MED12L: variants seen among roughly 807,000 people sequenced by gnomAD.
MED12L encodes the protein mediator of RNA polymerase II transcription subunit 12-like protein.
MED12L carries 60 observed loss-of-function variants against 281.3 expected under a neutral mutation model. The ratio of observed to expected loss-of-function variants is 0.21; its 90% CI spans 0.17 to 0.26. The LOEUF is 0.26. MED12L is among the 10% of genes least tolerant of loss of function. The pLI is 1.00. For synonymous variants in MED12L, 974 were observed against 987.2 expected, an observed-to-expected ratio of 0.99 and a Z score of 0.25; for missense variants, 2,146 against 2,680.9, an observed-to-expected ratio of 0.80 and a Z score of 4.41.
At chr3:151,115,954 C>T (rs1477434900) in intron 2 of MED12L, among the ~76,000 whole-genome samples, 4 of 149,052 alleles carry the variant, frequency 2.7e-5, no homozygotes, top group East Asian at 2.0e-4. Context: ...CCCAGCTACT[C>T]GGGAGGCTGA....
chr3:151,313,580 T>C (rs1323942099), intron 16 of MED12L, among the ~76,000 whole-genome samples: 1 of 151,730 alleles, frequency 6.6e-6, no homozygotes, highest in Non-Finnish European at 1.5e-5. Context: ...GTGCGGTGGC[T>C]CACACCTGTA....
intron 16 of MED12L, among the ~76,000 whole-genome samples, chr3:151,282,222 T>C (rs1742909774): frequency 1.3e-5 from 2 of 152,362 alleles, no homozygotes; most frequent in East Asian, 3.9e-4. Flanking sequence ...CTTATTCTTT[T>C]TCGTAGCTTT....
chr3:151,381,322 A>C (rs994439004), intron 32 of MED12L, among the ~76,000 whole-genome samples: 1 of 152,192 alleles, frequency 6.6e-6, no homozygotes, highest in Non-Finnish European at 1.5e-5. Flanking sequence ...TAGATATAGC[A>C]ATCATAGTGA....
intron 16 of MED12L, among the ~76,000 whole-genome samples, chr3:151,283,872 G>C (rs1169699946): frequency 1.3e-5 from 2 of 152,146 alleles, no homozygotes; most frequent in Non-Finnish European, 2.9e-5. Context: ...GTACACTTTT[G>C]AATCCCTTTT....
In MED12L at chr3:151,190,878, G is replaced by C. The variant is rs1467275454; in HGVS notation, c.1915G>C (p.Val639Leu). 6.2e-7 allele frequency: 1 copy of C among 1,614,184 alleles called. No homozygotes were observed. The highest frequency in any genetic ancestry group is 8.5e-7 in the Non-Finnish European group (1 of 1,180,032). ...VTASTRPRSP[V>L]GENADEHYSK... ...TGCCTCAACTCGGCCGCGGTCACCA[G>C]TAGGGGAAAATGCAGATGAACACTA... Residue 639 changes from valine to leucine, a missense_variant, in exon 14 of 45, where the codon GTA (valine) becomes CTA (leucine). Transcript: ENST00000687756.
chr3:151,189,476 G>A (rs1392612221), intron 13 of MED12L, among the ~76,000 whole-genome samples: 1 of 152,174 alleles, frequency 6.6e-6, no homozygotes, highest in African/African-American at 2.4e-5. Context: ...GTACCCTGGG[G>A]GAGACAGACA....
chr3:151,262,261 G>A (rs951489387), intron 16 of MED12L, among the ~76,000 whole-genome samples: 1 of 152,218 alleles, frequency 6.6e-6, no homozygotes, highest in Non-Finnish European at 1.5e-5. Context: ...AGAAGTATTA[G>A]ATTTTAAGTC....
intron 2 of MED12L, among the ~76,000 whole-genome samples, chr3:151,099,694 T>C (rs1248684227): frequency 6.6e-6 from 1 of 152,174 alleles, no homozygotes; most frequent in Non-Finnish European, 1.5e-5. Context: ...GTTTAGACTG[T>C]TGGGTAGGTA....
intron 16 of MED12L, among the ~76,000 whole-genome samples, chr3:151,274,028 A>G (rs767181532): frequency 1.3e-4 from 20 of 152,152 alleles, no homozygotes; most frequent in Non-Finnish European, 2.5e-4. Flanking sequence ...TTCTCACACT[A>G]CTTGAACTAA....
Position 151,418,943 on chromosome 3 carries a change from A to G in MED12L, c.6408+2521A>G, listed in dbSNP as rs142435792. 9.6e-4 allele frequency among the ~76,000 whole-genome samples: 146 copies of G among 152,278 alleles called. 1 individual carries two copies. The highest frequency in any genetic ancestry group is 3.1e-3 in the African/African-American group (130 of 41,564). ...TTTCGATACAAGCTTTCAATGTGTA[A>G]TGATCAAATAAGGGTAATTGGGGTA... On this transcript the variant is annotated intron_variant, in intron 43 of 44. Transcript: ENST00000687756.
At chr3:151,321,532 A>G (rs1197593179) in intron 16 of MED12L, among the ~76,000 whole-genome samples, 2 of 152,248 alleles carry the variant, frequency 1.3e-5, no homozygotes, top group Non-Finnish European at 1.5e-5. Flanking sequence ...ACCCAAAGCT[A>G]TGAAAGCCTT....
At chr3:151,170,568 C>T (rs891421667) in intron 11 of MED12L, among the ~76,000 whole-genome samples, 3 of 152,194 alleles carry the variant, frequency 2.0e-5, no homozygotes, top group African/African-American at 7.2e-5. Context: ...GCCACTGCAC[C>T]TGGCCTGGAA....
rs758119179 is a variant in MED12L at position 151,165,970 on chromosome 3, A to G, written c.1482A>G (p.Lys494=). Reference sequence around the variant, plus strand: ...AGATTTTCTGGGCAAACCAAAACAAAGATAACCAAGAGGTAGTTAATTTTT... The same window carrying G: ...AGATTTTCTGGGCAAACCAAAACAAGGATAACCAAGAGGTAGTTAATTTTT... ...YHKIFWANQN[K]DNQEVAPNDE... Residue 494 remains lysine, a synonymous_variant, in exon 11 of 45, where the codon AAA becomes AAG. Coordinates refer to ENST00000687756, the MANE Select transcript of MED12L (RefSeq NM_001393769.1). The G allele has an allele frequency of 1.4e-5, 22 of 1,609,874 alleles. No individual in the cohort carries two copies. The highest frequency in any genetic ancestry group is 1.7e-4 in the Middle Eastern group (1 of 6,044).
In MED12L at chr3:151,436,469, A is replaced by AAAG. The variant is rs1720232058; in HGVS notation, c.*3666_*3668dup. The AAAG allele has an allele frequency of 2.4e-6, 1 of 416,296 alleles. No individual in the cohort carries two copies. Among genetic ancestry groups the AAAG allele is most frequent in the African/African-American group, 2.0e-5 (1 of 49,044 alleles). The allele number at this position is 416,296 out of a possible 1,614,324, so 25.8% of individuals were successfully genotyped here. ...TTTATTGTTATTTGTTGGCAAAATA[A>AAAG]AAGTGCCTTAAGTTAAAAGTTTGTT... On this transcript the variant is annotated 3_prime_UTR_variant, in exon 45 of 45. Coordinates refer to ENST00000687756, the MANE Select transcript of MED12L (RefSeq NM_001393769.1).
chr3:151,341,228 A>G (rs775194673), intron 16 of MED12L, among the ~76,000 whole-genome samples: 1 of 152,112 alleles, frequency 6.6e-6, no homozygotes, highest in Non-Finnish European at 1.5e-5. Flanking sequence ...CTTGGTTAAT[A>G]ATGTCATTAT....
At chr3:151,147,014 T>C (rs374263779) in intron 5 of MED12L, among the ~76,000 whole-genome samples, 2 of 152,256 alleles carry the variant, frequency 1.3e-5, no homozygotes, top group African/African-American at 4.8e-5. Flanking sequence ...GAACAGTGGC[T>C]GAGTATGGGA....
intron 16 of MED12L, among the ~76,000 whole-genome samples, chr3:151,262,167 A>G (rs1739038946): frequency 1.3e-5 from 2 of 152,240 alleles, no homozygotes; most frequent in Non-Finnish European, 2.9e-5. Context: ...GACACATTTT[A>G]TACACTAGCA....
chr3:151,297,824 C>T (rs1483027195), intron 16 of MED12L, among the ~76,000 whole-genome samples: 2 of 151,978 alleles, frequency 1.3e-5, no homozygotes, highest in Non-Finnish European at 2.9e-5. Context: ...TAAAGATAGT[C>T]TCCAATCAGA....
chr3:151,166,997 T>C (rs958135614), intron 11 of MED12L, among the ~76,000 whole-genome samples: 1 of 152,136 alleles, frequency 6.6e-6, no homozygotes, highest in East Asian at 1.9e-4. Flanking sequence ...TTTAAGACTT[T>C]CTATGGGCTA....
Sources: gnomAD v4.1 joint callset for allele counts (sites outside exome capture counted in the v4.1 genomes callset) on GRCh38, gnomAD v4.1.1 for gene constraint, MANE v1.5 for transcripts, NCBI Gene and HGNC (gene_info 2026-07-23, HGNC 2026-07-21) for gene names.